Variants in GPHN observed in about 807,000 individuals in gnomAD.
GPHN encodes gephyrin.
Under a neutral mutation model 95.5 loss-of-function variants are expected in GPHN, and 17 were observed. That is an observed-to-expected ratio of 0.18 (90% CI 0.12 to 0.27). The LOEUF is 0.27. Among genes scored for constraint, GPHN ranks in the 10% least tolerant of loss-of-function variants. GPHN has a pLI of 1.00. For synonymous variants in GPHN, 320 were observed against 322.5 expected (o/e 0.99, Z 0.08); for missense variants, 660 against 978.1 (o/e 0.67, Z 4.34).
rs559466168 is a variant in GPHN, at chr14:66,842,954, T to C, written c.294+18388T>C. On this transcript the variant is annotated intron_variant, in intron 4 of 22. Transcript: ENST00000478722. ...CTTGTGGATTCTCATTTGCAGTTTA[T>C]TGATTACTGTATCCTAGATGGAAGA... Among the ~76,000 whole-genome samples the C allele has an allele frequency of 7.2e-5, 11 of 152,278 alleles. No individual in the cohort carries two copies. In the South Asian group the frequency reaches 2.1e-3, roughly 29 times the overall value.
the GPHN span, among the ~76,000 whole-genome samples, chr14:67,554,105 C>T: frequency 6.6e-6 from 1 of 152,118 alleles, no homozygotes; most frequent in Non-Finnish European, 1.5e-5. Context: ...TCTGTGTCTC[C>T]CCAGTCCCAG....
intron 4 of GPHN, among the ~76,000 whole-genome samples, chr14:66,839,558 G>A (rs753445789): frequency 6.6e-6 from 1 of 152,110 alleles, no homozygotes; most frequent in Non-Finnish European, 1.5e-5. Flanking sequence ...CAAAATGGAG[G>A]TATTTGAACC....
intron 2 of GPHN, among the ~76,000 whole-genome samples, chr14:66,712,677 A>G (rs1016968709): frequency 6.6e-6 from 1 of 152,154 alleles, no homozygotes; most frequent in Non-Finnish European, 1.5e-5. Context: ...TTTTGTTGCC[A>G]ATCAAATGGT....
the GPHN span, among the ~76,000 whole-genome samples, chr14:67,323,232 C>CGTGTGTGTGTGT: frequency 2.5e-3 from 360 of 143,592 alleles, 5 homozygotes; most frequent in African/African-American, 8.5e-3. Flanking sequence ...CATATATACA[C>CGTGTGTGTGTGT]GTGTGTGTGT....
chr14:66,588,332 C>T (rs2061504669), intron 1 of GPHN, among the ~76,000 whole-genome samples: 2 of 152,024 alleles, frequency 1.3e-5, no homozygotes, highest in South Asian at 4.2e-4. Flanking sequence ...TGCCTCTTCT[C>T]CTCCAAAGTA....
intron 1 of GPHN, among the ~76,000 whole-genome samples, chr14:66,579,518 A>C (rs1305835052): frequency 2.6e-5 from 4 of 151,864 alleles, no homozygotes; most frequent in Admixed American, 2.6e-4. Context: ...GGGAAAAGAT[A>C]GTCTATGAAA....
chr14:67,195,902 G>A, the GPHN span, among the ~76,000 whole-genome samples: 1 of 151,964 alleles, frequency 6.6e-6, no homozygotes, highest in African/African-American at 2.4e-5. Flanking sequence ...TCCTAGAGAG[G>A]CCTTTAGAAG....
At chr14:67,489,336 A>T in the GPHN span, among the ~76,000 whole-genome samples, 1 of 152,084 alleles carries the variant, frequency 6.6e-6, no homozygotes, top group African/African-American at 2.4e-5. Context: ...TTCCCACCCA[A>T]ATCTCATCCT....
intron 1 of GPHN, among the ~76,000 whole-genome samples, chr14:66,643,196 C>T (rs1461231654): frequency 6.6e-6 from 1 of 151,864 alleles, no homozygotes; most frequent in Admixed American, 6.6e-5. Flanking sequence ...AAGCTAAAAC[C>T]ACAGCAAAAT....
At chr14:66,871,835 A>C (rs1362039439) in intron 4 of GPHN, among the ~76,000 whole-genome samples, 1 of 152,188 alleles carries the variant, frequency 6.6e-6, no homozygotes, top group Non-Finnish European at 1.5e-5. Flanking sequence ...TGCAGAGCTT[A>C]AAACCTAGAT....
rs1202790541 is a variant in GPHN at position 67,115,861 on chromosome 14, C to A, written c.1626+2690C>A. 3.3e-5 allele frequency among the ~76,000 whole-genome samples: 5 copies of A among 152,136 alleles called. No homozygotes were observed. In the South Asian group the frequency reaches 8.3e-4, roughly 25 times the overall value. On this transcript the variant is annotated intron_variant, in intron 16 of 22. Transcript: ENST00000478722. ...GCCGTACAAGATGTCTATGTATACT[C>A]TAAAACTTGCCCCAGTATTTTATTA...
At chr14:67,137,529 T>C (rs1489050656) in intron 17 of GPHN, among the ~76,000 whole-genome samples, 1 of 152,108 alleles carries the variant, frequency 6.6e-6, no homozygotes, top group Non-Finnish European at 1.5e-5. Context: ...TTTTGGAGGC[T>C]GAGGCGGGCA....
At chr14:66,930,868 TGAG>T in intron 8 of GPHN, among the ~76,000 whole-genome samples, 1 of 152,198 alleles carries the variant, frequency 6.6e-6, no homozygotes, top group East Asian at 1.9e-4. Flanking sequence ...ACTCAAGATA[TGAG>T]ATGAGTAATT....
chr14:67,375,340 C>A, the GPHN span, among the ~76,000 whole-genome samples: 2 of 151,680 alleles, frequency 1.3e-5, no homozygotes, highest in African/African-American at 4.8e-5. Context: ...ACTGCAACCA[C>A]CTCCTCCTGG....
intron 1 of GPHN, among the ~76,000 whole-genome samples, chr14:66,668,452 C>T (rs755878373): frequency 1.1e-4 from 17 of 152,074 alleles, no homozygotes; most frequent in Non-Finnish European, 1.9e-4. Flanking sequence ...AAGGCAGCCA[C>T]AAAAGAGAAT....
At chr14:67,392,879 G>A in the GPHN span, 1 of 1,569,710 alleles carries the variant, frequency 6.4e-7, no homozygotes, top group South Asian at 1.1e-5. Context: ...GTCAGGCGAT[G>A]GGTGATGGAC....
chr14:67,263,191 AC>A, the GPHN span, among the ~76,000 whole-genome samples: 309 of 152,314 alleles, frequency 2.0e-3, no homozygotes, highest in African/African-American at 7.0e-3. Context: ...AACACTTTTT[AC>A]TTCAGGAAAT....
chr14:67,459,790 G>A, the GPHN span, among the ~76,000 whole-genome samples: 1 of 152,204 alleles, frequency 6.6e-6, no homozygotes, highest in Non-Finnish European at 1.5e-5. Flanking sequence ...TGAAGTGCCT[G>A]GAAAGACAAT....
At chr14:67,612,894 G>A in the GPHN span, among the ~76,000 whole-genome samples, 381 of 151,978 alleles carry the variant, frequency 2.5e-3, 6 homozygotes, top group East Asian at 8.7e-3. Flanking sequence ...ACAGTGAGCC[G>A]AGATCGCACC....
Sources: gnomAD v4.1 joint callset for allele counts (sites outside exome capture counted in the v4.1 genomes callset) on GRCh38, gnomAD v4.1.1 for gene constraint, MANE v1.5 for transcripts, NCBI Gene and HGNC (gene_info 2026-07-23, HGNC 2026-07-21) for gene names.